TBC1D1: variants seen among roughly 807,000 people sequenced by gnomAD.
The protein encoded by TBC1D1 is TBC1 domain family member 1.
TBC1D1 carries 89 observed loss-of-function variants against 125.6 expected under a neutral mutation model. The ratio of observed to expected loss-of-function variants is 0.71; its 90% CI spans 0.60 to 0.85. The LOEUF is 0.85. Ranked by LOEUF, TBC1D1 falls within the 40% of genes least tolerant of loss-of-function variation. The probability of loss-of-function intolerance (pLI) is 0.00; values close to 1 mark genes in which losing one functional copy is unlikely to be tolerated. For synonymous variants in TBC1D1, 565 were observed against 564.1 expected (o/e 1.00, Z -0.02); for missense variants, 1,377 against 1,469.2 (o/e 0.94, Z 1.03).
At chr4:38,132,410 C>T (rs528018696) in intron 18 of TBC1D1, among the ~76,000 whole-genome samples, 47 of 152,318 alleles carry the variant, frequency 3.1e-4, no homozygotes, top group African/African-American at 1.0e-3. Context: ...CAGACACGGA[C>T]GGCTTGAGTC....
chr4:37,944,787 T>C (rs2152310335), intron 2 of TBC1D1, among the ~76,000 whole-genome samples: 1 of 152,330 alleles, frequency 6.6e-6, no homozygotes, highest in Middle Eastern at 3.4e-3. Context: ...GCTTCCCAGG[T>C]GAGGCGATGC....
At chr4:37,960,635 C>T (rs771251893) in intron 2 of TBC1D1, 2 of 1,614,102 alleles carry the variant, frequency 1.2e-6, no homozygotes, top group Non-Finnish European at 1.7e-6. Context: ...TGGGCACTGT[C>T]AACAGAGCTA....
At chr4:37,918,833 A>G (rs1720294212) in intron 2 of TBC1D1, among the ~76,000 whole-genome samples, 3 of 152,242 alleles carry the variant, frequency 2.0e-5, no homozygotes, top group Non-Finnish European at 2.9e-5. Flanking sequence ...CCTGTCAACT[A>G]TAAATGATGT....
chr4:38,058,324 C>G (rs1221802653), intron 12 of TBC1D1, among the ~76,000 whole-genome samples: 1 of 152,212 alleles, frequency 6.6e-6, no homozygotes, highest in African/African-American at 2.4e-5. Flanking sequence ...TCCATATGTT[C>G]CTTCCAGCTG....
chr4:38,001,343 C>T (rs971117851), intron 2 of TBC1D1, among the ~76,000 whole-genome samples: 1 of 152,176 alleles, frequency 6.6e-6, no homozygotes, highest in Non-Finnish European at 1.5e-5. Flanking sequence ...GGGCCTGCCA[C>T]CTAGCAACAC....
chr4:37,917,214 C>T (rs1204615595), intron 2 of TBC1D1, among the ~76,000 whole-genome samples: 2 of 151,810 alleles, frequency 1.3e-5, no homozygotes, highest in Non-Finnish European at 2.9e-5. Flanking sequence ...TGGCTCAAGC[C>T]TGTAATCCCG....
At chr4:37,999,351 G>T (rs963271994) in intron 2 of TBC1D1, among the ~76,000 whole-genome samples, 2 of 152,150 alleles carry the variant, frequency 1.3e-5, no homozygotes, top group Non-Finnish European at 1.5e-5. Flanking sequence ...ACACTTTGGT[G>T]TATTTTCAAG....
At chr4:38,083,967 T>C (rs1578613868) in intron 12 of TBC1D1, among the ~76,000 whole-genome samples, 1 of 142,972 alleles carries the variant, frequency 7.0e-6, no homozygotes, top group East Asian at 2.3e-4. Flanking sequence ...AGACAGAGTC[T>C]CGCTCTGTCG....
chr4:38,111,416 T>G (rs2152567897), intron 15 of TBC1D1, among the ~76,000 whole-genome samples: 1 of 152,326 alleles, frequency 6.6e-6, no homozygotes, highest in East Asian at 1.9e-4. Context: ...TACCAATTAA[T>G]TAAAACTGAG....
In TBC1D1 at chr4:37,902,386, G is replaced by A. The variant is rs764688775; in HGVS notation, c.291G>A (p.Lys97=). ...TCTATTCCAGCATCTTTGAGTGCAA[G>A]CCTCAGCGTGTTCACAAACTGATTC... The change falls in exon 2 of 20, where the codon AAG becomes AAA. Residue 97 remains lysine (K), a synonymous_variant. Coordinates refer to ENST00000261439, the MANE Select transcript of TBC1D1 (RefSeq NM_015173.4). 3 of 1,614,110 alleles carry A rather than the reference G, an allele frequency of 1.9e-6. No homozygotes were observed. In the African/African-American group the frequency reaches 4.0e-5, roughly 22 times the overall value.
intron 11 of TBC1D1, 78 bp from the exon 14 acceptor site, chr4:38,054,121 G>T (rs1476053957): frequency 1.4e-6 from 2 of 1,468,862 alleles, no homozygotes; most frequent in African/African-American, 1.4e-5. Context: ...TTAGTGATTT[G>T]TTTAAAAAAA....
intron 12 of TBC1D1, chr4:38,054,842 T>C (rs1428775436): frequency 6.4e-6 from 1 of 155,576 alleles, no homozygotes; most frequent in Non-Finnish European, 1.4e-5. Flanking sequence ...TTGCGTTCCT[T>C]CTTCTCTGAT....
intron 2 of TBC1D1, among the ~76,000 whole-genome samples, chr4:37,910,857 G>A (rs1237991906): frequency 6.6e-6 from 1 of 152,002 alleles, no homozygotes; most frequent in Non-Finnish European, 1.5e-5. Context: ...CATTTATCCT[G>A]ATGTTGTTGT....
At chr4:37,895,957 T>C (rs1714473904) in intron 1 of TBC1D1, among the ~76,000 whole-genome samples, 2 of 151,990 alleles carry the variant, frequency 1.3e-5, no homozygotes, top group South Asian at 4.1e-4. Flanking sequence ...GGATGAAGAG[T>C]GTAGCCAAGT....
chr4:38,053,029 T>C, intron 11 of TBC1D1, 77 bp from the exon 13 acceptor site: 1 of 1,093,862 alleles, frequency 9.1e-7, no homozygotes, highest in East Asian at 3.2e-5. Context: ...ATGTTTCTTT[T>C]ATTTTGAAGC....
chr4:37,933,239 A>G (rs1001587003), intron 2 of TBC1D1, among the ~76,000 whole-genome samples: 1 of 152,088 alleles, frequency 6.6e-6, no homozygotes, highest in African/African-American at 2.4e-5. Flanking sequence ...ACCTATACAC[A>G]CATTTACATA....
At position 37,915,340 on chromosome 4, in the gene TBC1D1, C is replaced by T. The variant is rs79648127; in HGVS notation, c.417+12828C>T. ...GAGGCTGAGAAATCTCATGATCTGC[C>T]ATTTGCAAGCTGGATACCCAGGTAA... is the stretch of plus-strand genomic sequence containing the variant. On this transcript the variant is annotated intron_variant, in intron 2 of 19. Transcript: ENST00000261439. 5.4e-3 allele frequency among the ~76,000 whole-genome samples: 824 copies of T among 152,204 alleles called. 5 individuals are homozygous for T. Among genetic ancestry groups the T allele is most frequent in the African/African-American group, 0.018 (743 of 41,502 alleles).
rs1055516310 is a variant in TBC1D1, at chr4:38,035,679, A to T, written c.1394A>T (p.His465Leu). The change falls in exon 8 of 20, where the codon CAT becomes CTT. Residue 465 changes from histidine to leucine, a missense_variant. By Grantham distance (99) the His-to-Leu change is moderately conservative. Around this residue, in one of 3 missense-constraint regions of TBC1D1, gnomAD observed 822 missense variants for 824.6 expected, o/e 1.00. Transcript: ENST00000261439. ...GAAGAGAAACAGAAAGAACACATCC[A>T]TATTGGGGAGATGAAGCAGGTATGG... The T allele has an allele frequency of 6.2e-7, 1 of 1,612,264 alleles. No individual in the cohort carries two copies. The highest frequency in any genetic ancestry group is 8.5e-7 in the Non-Finnish European group (1 of 1,178,912).
intron 7 of TBC1D1, among the ~76,000 whole-genome samples, chr4:38,032,370 T>C (rs1053053691): frequency 6.6e-6 from 1 of 152,160 alleles, no homozygotes; most frequent in Non-Finnish European, 1.5e-5. Context: ...AGTCCTGTTT[T>C]GTGTCTGCCT....
Sources: allele counts gnomAD v4.1 joint callset (sites outside exome capture counted in the v4.1 genomes callset), GRCh38; gene constraint gnomAD v4.1.1; regional missense constraint gnomAD v4.1.1; transcripts MANE v1.5; gene names NCBI Gene and HGNC (gene_info 2026-07-23, HGNC 2026-07-21).